Variants in FREM1 observed in about 807,000 individuals in gnomAD.
The protein encoded by FREM1 is FRAS1 related extracellular matrix 1, also known as FRAS1-related extracellular matrix protein 1.
In FREM1, 220 loss-of-function variants were observed where a neutral mutation model predicts 210.1. The observed-to-expected ratio is 1.05, with a 90% CI of 0.94 to 1.17. The LOEUF is 1.17. Ranked by LOEUF, FREM1 falls within the 50% of genes most tolerant of loss-of-function variation. The pLI is 0.00. For synonymous variants in FREM1, 1,189 were observed against 980.2 expected (o/e 1.21, Z -3.98); for missense variants, 3,454 against 2,675.5 (o/e 1.29, Z -6.42).
intron 9 of FREM1, 97 bp from the exon 10 acceptor site, chr9:14,841,686 A>G: frequency 1.1e-6 from 1 of 873,954 alleles, no homozygotes; most frequent in East Asian, 2.7e-5. Flanking sequence ...TTATCTGTCT[A>G]GTACATTCTA....
intron 16 of FREM1, among the ~76,000 whole-genome samples, chr9:14,810,816 T>G (rs1235249446): frequency 1.3e-5 from 2 of 152,200 alleles, no homozygotes; most frequent in African/African-American, 4.8e-5. Flanking sequence ...AATAAAATAC[T>G]ATAATACTGA....
intron 36 of FREM1, 135 bp downstream of exon 36, chr9:14,740,014 G>C: frequency 2.1e-6 from 1 of 474,002 alleles, no homozygotes; most frequent in Non-Finnish European, 3.8e-6. Flanking sequence ...AAAGATAAAT[G>C]GCTAGATCTA....
At chr9:14,909,388 C>G (rs1818341495) in intron 1 of FREM1, among the ~76,000 whole-genome samples, 1 of 152,150 alleles carries the variant, frequency 6.6e-6, no homozygotes, top group Non-Finnish European at 1.5e-5. Context: ...AAGGCCATTT[C>G]TTTGCCTCCC....
intron 13 of FREM1, among the ~76,000 whole-genome samples, chr9:14,822,292 T>C (rs1400792649): frequency 6.6e-6 from 1 of 152,186 alleles, no homozygotes; most frequent in Admixed American, 6.5e-5. Context: ...CTTCTGCAGG[T>C]TGGGCAGCCC....
intron 16 of FREM1, 73 bp from the exon 17 acceptor site, chr9:14,808,207 C>G: frequency 1.1e-6 from 1 of 948,148 alleles, no homozygotes; most frequent in South Asian, 2.3e-5. Flanking sequence ...CTACTCACAC[C>G]TCTTCTACAA....
At chr9:14,765,381 T>A (rs1293309767) in intron 27 of FREM1, among the ~76,000 whole-genome samples, 1 of 152,210 alleles carries the variant, frequency 6.6e-6, no homozygotes, top group Admixed American at 6.5e-5. Flanking sequence ...AGTGTGTGAT[T>A]ACGGTCAGTT....
chr9:14,839,133 A>C (rs913789979), intron 10 of FREM1, among the ~76,000 whole-genome samples: 6 of 152,208 alleles, frequency 3.9e-5, no homozygotes, highest in African/African-American at 1.4e-4. Context: ...GGAGGGGTTG[A>C]GGATAATCTA....
rs776036504 is a variant in FREM1, at chr9:14,841,506, C to G, written c.1822G>C (p.Asp608His). The change falls in exon 10 of 37, where the codon GAT (aspartate) becomes CAT (histidine). Residue 608 changes from aspartate (D) to histidine (H), a missense_variant. Coordinates refer to ENST00000380880, the MANE Select transcript of FREM1 (RefSeq NM_001379081.2). ...YRHFGGEIFEDSFQFVLWDSH... is the reference protein window; with the variant it reads ...YRHFGGEIFEHSFQFVLWDSH... ...TCCCACAGGACAAATTGAAAAGAAT[C>G]TTCAAAGATTTCTCCACCAAAATGA... The G allele has an allele frequency of 6.2e-7, 1 of 1,612,132 alleles. No individual in the cohort carries two copies. The highest frequency in any genetic ancestry group is 8.5e-7 in the Non-Finnish European group (1 of 1,178,640).
At chr9:14,748,738 G>A (rs1842870367) in intron 30 of FREM1, 99 bp from the exon 31 acceptor site, 1 of 770,406 alleles carries the variant, frequency 1.3e-6, no homozygotes. Flanking sequence ...ATTAAACCTA[G>A]ATGGATGGTT....
chr9:14,792,960 T>C (rs747726161), intron 21 of FREM1, 76 bp from the exon 22 acceptor site: 80 of 871,300 alleles, frequency 9.2e-5, no homozygotes, highest in Non-Finnish European at 1.2e-4. Flanking sequence ...ATATTGACTA[T>C]CACAGTTCCC....
intron 2 of FREM1, among the ~76,000 whole-genome samples, chr9:14,867,162 CA>C (rs1174122902): frequency 1.3e-5 from 2 of 152,144 alleles, no homozygotes; most frequent in East Asian, 3.9e-4. Flanking sequence ...AACCAGCCTG[CA>C]TTTTCCTTTC....
Position 14,823,189 on chromosome 9 carries a change from T to C in FREM1, c.2308A>G (p.Ile770Val), listed in dbSNP as rs143286668. 5 of 1,613,808 alleles carry C rather than the reference T, an allele frequency of 3.1e-6. No individual in the cohort carries two copies. Among genetic ancestry groups the C allele is most frequent in the African/African-American group, 1.3e-5 (1 of 75,014 alleles). Residue 770 changes from isoleucine to valine, a missense_variant, in exon 13 of 37, where the codon ATC (isoleucine) becomes GTC (valine). Transcript: ENST00000380880. Reference protein sequence around the residue: ...TLHGICFNITILPVDNQVPEA... With the variant: ...TLHGICFNITVLPVDNQVPEA... ...GGAACTTGATTGTCCACTGGGAGGATTGTAATGTTAAAGCAGATCCCATGC... is the reference window on the plus strand; with the variant it reads ...GGAACTTGATTGTCCACTGGGAGGACTGTAATGTTAAAGCAGATCCCATGC...
At chr9:14,787,027 C>T (rs1292718731) in intron 23 of FREM1, among the ~76,000 whole-genome samples, 1 of 152,128 alleles carries the variant, frequency 6.6e-6, no homozygotes, top group African/African-American at 2.4e-5. Context: ...AGACAATGTC[C>T]TCCTAAACTT....
In FREM1 at chr9:14,891,528, G is replaced by A. The variant is rs150693393; in HGVS notation, c.-268+18386C>T. 1.8e-3 allele frequency among the ~76,000 whole-genome samples: 279 copies of A among 152,290 alleles called. 3 individuals are homozygous for A. The highest frequency in any genetic ancestry group is 6.1e-3 in the African/African-American group (255 of 41,564). The stretch of plus-strand genomic sequence containing the variant: ...GATTGCTTGAGCCAGGGAGCTCAAG[G>A]CCAGTCTGGGCAACACAGCAAGACC... On this transcript the variant is annotated intron_variant, in intron 1 of 36. Transcript: ENST00000380880.
At chr9:14,804,719 G>A (rs919325730) in intron 19 of FREM1, among the ~76,000 whole-genome samples, 2 of 152,208 alleles carry the variant, frequency 1.3e-5, no homozygotes, top group African/African-American at 4.8e-5. Flanking sequence ...GGAATCATCT[G>A]TAGATTTTTT....
intron 30 of FREM1, 92 bp downstream of exon 30, chr9:14,750,035 T>C (rs1430912940): frequency 1.6e-6 from 2 of 1,279,962 alleles, no homozygotes; most frequent in Middle Eastern, 1.9e-4. Context: ...AGCATTTTGA[T>C]TTGAAGGTGT....
intron 1 of FREM1, among the ~76,000 whole-genome samples, chr9:14,880,350 T>A (rs1834562165): frequency 1.3e-5 from 2 of 152,144 alleles, no homozygotes. Flanking sequence ...ATGCCTGTAA[T>A]CCCAGCACTT....
intron 15 of FREM1, 42 bp downstream of exon 15, chr9:14,816,736 A>T: frequency 9.3e-7 from 1 of 1,078,264 alleles, no homozygotes. Flanking sequence ...GCAGCACAAA[A>T]CAGACTAAGA....
intron 28 of FREM1, among the ~76,000 whole-genome samples, chr9:14,758,687 T>TG (rs1554644041): frequency 1.8e-5 from 2 of 109,508 alleles, no homozygotes; most frequent in African/African-American, 3.8e-5. Context: ...GGGGATGGGG[T>TG]GGGGGGGAGT....
Sources: gnomAD v4.1 joint callset for allele counts (sites outside exome capture counted in the v4.1 genomes callset) on GRCh38, gnomAD v4.1.1 for gene constraint, MANE v1.5 for transcripts, NCBI Gene and HGNC (gene_info 2026-07-23, HGNC 2026-07-21) for gene names.